Variants in PCDH15 observed in about 807,000 individuals in gnomAD.
PCDH15 encodes protocadherin related 15.
A neutral mutation model predicts 178.5 loss-of-function variants in PCDH15; 129 were observed. That is an observed-to-expected ratio of 0.72 (90% confidence interval 0.63 to 0.84). The LOEUF is 0.84. Among genes scored for constraint, PCDH15 ranks in the 40% least tolerant of loss-of-function variants. The pLI is 0.00. For synonymous variants in PCDH15, 800 were observed against 732.0 expected, an observed-to-expected ratio of 1.09 and a Z score of -1.50; for missense variants, 2,230 against 2,099.9, an observed-to-expected ratio of 1.06 and a Z score of -1.21.
intron 3 of PCDH15, among the ~76,000 whole-genome samples, chr10:54,855,896 T>C (rs1247544431): frequency 6.6e-6 from 1 of 152,158 alleles, no homozygotes; most frequent in African/African-American, 2.4e-5. Flanking sequence ...ACTCTGGATA[T>C]GCTTGGTTTA....
At chr10:55,614,224 T>C (rs1190643178) in intron 2 of PCDH15, among the ~76,000 whole-genome samples, 1 of 152,196 alleles carries the variant, frequency 6.6e-6, no homozygotes, top group Non-Finnish European at 1.5e-5. Flanking sequence ...AGGAAGCGTG[T>C]AGTAAACTCA....
chr10:54,748,918 T>C (rs1325215363), intron 1 of PCDH15, among the ~76,000 whole-genome samples: 5 of 152,212 alleles, frequency 3.3e-5, no homozygotes, highest in African/African-American at 9.6e-5. Context: ...GTTTGTATAT[T>C]ATGCTTTCTA....
At chr10:55,139,971 G>T (rs1838302415) in intron 2 of PCDH15, among the ~76,000 whole-genome samples, 1 of 151,848 alleles carries the variant, frequency 6.6e-6, no homozygotes, top group Admixed American at 6.6e-5. Flanking sequence ...TTTTAGCATA[G>T]TAATCCTGTA....
At chr10:55,249,621 T>C (rs1427143886) in intron 1 of PCDH15, among the ~76,000 whole-genome samples, 1 of 152,158 alleles carries the variant, frequency 6.6e-6, no homozygotes, top group Non-Finnish European at 1.5e-5. Flanking sequence ...TTAGTATAAA[T>C]TGCAATCTTC....
chr10:54,355,682 A>C (rs992836687), intron 5 of PCDH15, among the ~76,000 whole-genome samples: 3 of 152,084 alleles, frequency 2.0e-5, no homozygotes, highest in African/African-American at 7.2e-5. Flanking sequence ...TATTTTACAA[A>C]AGGAGACATA....
At chr10:55,346,403 G>T (rs549001105) in intron 2 of PCDH15, among the ~76,000 whole-genome samples, 10 of 152,078 alleles carry the variant, frequency 6.6e-5, no homozygotes, top group African/African-American at 2.4e-4. Flanking sequence ...CTTTATAATT[G>T]ATCTTGATTT....
chr10:55,531,063 C>T (rs989670413), intron 2 of PCDH15, among the ~76,000 whole-genome samples: 8 of 151,828 alleles, frequency 5.3e-5, no homozygotes, highest in African/African-American at 1.4e-4. Flanking sequence ...AATATAAATA[C>T]AGGTGAATGA....
intron 2 of PCDH15, among the ~76,000 whole-genome samples, chr10:55,032,700 T>C (rs1840641542): frequency 6.6e-6 from 1 of 152,086 alleles, no homozygotes; most frequent in Non-Finnish European, 1.5e-5. Context: ...AGGAGACTAG[T>C]TTGGATAGAC....
At chr10:55,547,893 GTGTCT>G (rs1564448113) in intron 2 of PCDH15, among the ~76,000 whole-genome samples, 5 of 117,206 alleles carry the variant, frequency 4.3e-5, no homozygotes, top group African/African-American at 2.0e-4. Context: ...GGTGGTGTGT[GTGTCT>G]GTGTGTGTGT....
At chr10:55,572,334 C>A (rs1016412115) in intron 2 of PCDH15, among the ~76,000 whole-genome samples, 2 of 151,588 alleles carry the variant, frequency 1.3e-5, no homozygotes, top group Non-Finnish European at 2.9e-5. Flanking sequence ...AGCTCCAATA[C>A]ATTCTGTCTC....
At chr10:55,218,719 G>A (rs1027687364) in intron 1 of PCDH15, among the ~76,000 whole-genome samples, 3 of 151,984 alleles carry the variant, frequency 2.0e-5, no homozygotes, top group South Asian at 2.1e-4. Flanking sequence ...TGGACTGTAA[G>A]GTGTGGAAAA....
intron 13 of PCDH15, among the ~76,000 whole-genome samples, chr10:54,156,080 T>A (rs1291449701): frequency 6.6e-6 from 1 of 152,196 alleles, no homozygotes; most frequent in East Asian, 1.9e-4. Flanking sequence ...AAGTTTCAGA[T>A]GAAAGTAAAA....
chr10:54,476,620 TA>T (rs1168808061), intron 3 of PCDH15, among the ~76,000 whole-genome samples: 5 of 152,170 alleles, frequency 3.3e-5, no homozygotes, highest in Admixed American at 3.3e-4. Flanking sequence ...TGAGTTTTTT[TA>T]AAAGGGTGAT....
chr10:54,131,916 G>T (rs9787578), intron 15 of PCDH15, among the ~76,000 whole-genome samples: 40,822 of 152,008 alleles, frequency 0.27, 6,620 homozygotes, highest in East Asian at 0.88. Flanking sequence ...AAGTGACAGG[G>T]TGTTAATATT....
chr10:53,965,753 G>A (rs958442487), intron 21 of PCDH15, among the ~76,000 whole-genome samples: 1 of 152,142 alleles, frequency 6.6e-6, no homozygotes, highest in East Asian at 1.9e-4. Flanking sequence ...TTGCTAGCAT[G>A]AGGACCCATT....
At chr10:54,813,846 T>C (rs1208350239) in intron 3 of PCDH15, among the ~76,000 whole-genome samples, 1 of 152,222 alleles carries the variant, frequency 6.6e-6, no homozygotes, top group Non-Finnish European at 1.5e-5. Flanking sequence ...GATCTTTACA[T>C]AATTTCAATA....
rs568488004 is a variant in PCDH15, at chr10:55,360,724, G to C, written c.-155-194073C>G. ...ATATTCTATTCTATGACTAGATCTT[G>C]TTTACAGCAGAGGTAGAGTATGGAT... On this transcript the variant is annotated intron_variant, in intron 2 of 5. Coordinates refer to the PCDH15 transcript ENST00000613346. Among the ~76,000 whole-genome samples the C allele has an allele frequency of 2.0e-5, 3 of 152,112 alleles. No homozygotes were observed. In the South Asian group the frequency reaches 6.2e-4, roughly 32 times the overall value.
At chr10:54,646,347 G>A (rs2094129642) in intron 2 of PCDH15, among the ~76,000 whole-genome samples, 1 of 152,008 alleles carries the variant, frequency 6.6e-6, no homozygotes, top group Admixed American at 6.6e-5. Flanking sequence ...AGTATATATG[G>A]ATTTTGGTAC....
intron 2 of PCDH15, among the ~76,000 whole-genome samples, chr10:55,375,332 G>A (rs1837368329): frequency 6.6e-6 from 1 of 151,970 alleles, no homozygotes; most frequent in Admixed American, 6.6e-5. Context: ...TTTTTTTCCT[G>A]TGATCAAAAT....
Sources: gnomAD v4.1 joint callset for allele counts (sites outside exome capture counted in the v4.1 genomes callset) on GRCh38, gnomAD v4.1.1 for gene constraint, MANE v1.5 for transcripts, NCBI Gene and HGNC (gene_info 2026-07-23, HGNC 2026-07-21) for gene names.